Variants in RIPK4 observed in about 807,000 individuals in gnomAD.
RIPK4 encodes receptor interacting serine/threonine kinase 4.
RIPK4 carries 17 observed loss-of-function variants against 42.9 expected under a neutral mutation model. The observed-to-expected ratio is 0.40, with a 90% CI of 0.27 to 0.59. The LOEUF is 0.59. Among genes scored for constraint, RIPK4 ranks in the 20% least tolerant of loss-of-function variants. The pLI is 0.47. For missense variants in RIPK4, 897 were observed against 1,104.4 expected (o/e 0.81, Z 2.66); for synonymous variants, 498 against 499.1 (o/e 1.00, Z 0.03).
At chr21:41,746,096 G>T (rs1332427303) in intron 5 of RIPK4, 1 of 699,346 alleles carries the variant, frequency 1.4e-6, no homozygotes, top group Admixed American at 1.9e-5. Flanking sequence ...GCCTTCCCCG[G>T]GGGAGCGCCA....
Position 41,740,931 on chromosome 21 carries a change from CAG to C in RIPK4, c.2260_2261del (p.Leu754AlafsTer69), listed in dbSNP as rs774508663. ...QGRHAQTVETLLRHGAHINLQ... is the reference protein window; with the variant it reads ...QGRHAQTVETXLRHGAHINLQ... ...GGTTGATGTGGGCCCCATGCCTGAG[CAG>C]AGTCTCCACCGTCTGTGCGTGCCGG... On this transcript the variant is annotated frameshift_variant, in exon 8 of 8. Coordinates refer to ENST00000332512, the MANE Select transcript of RIPK4 (RefSeq NM_020639.3). LOFTEE classifies it high-confidence loss of function. The C allele has an allele frequency of 1.9e-5, 30 of 1,612,538 alleles. No individual in the cohort carries two copies. Among genetic ancestry groups the C allele is most frequent in the East Asian group, 6.7e-5 (3 of 44,884 alleles).
At position 41,766,864 on chromosome 21, in the gene RIPK4, C is replaced by G. The variant is rs1030742264; in HGVS notation, c.178G>C (p.Asp60His). The part of the protein sequence containing the change: ...IKCSPSLHVD[D>H]RERMELLEEA... Reference sequence around the variant, plus strand: ...CGCCCCGCCCGGGCCGCTCACCTGTCGTCGACGTGCAGGCTGGGCGAGCAC... The same window carrying G: ...CGCCCCGCCCGGGCCGCTCACCTGTGGTCGACGTGCAGGCTGGGCGAGCAC... The change falls in exon 1 of 8, where the codon GAC becomes CAC. Residue 60 changes from aspartate (D) to histidine (H), a missense_variant. Asp to His is a moderately conservative substitution (Grantham distance 81). Transcript: ENST00000332512. 5.0e-6 allele frequency: 8 copies of G among 1,608,152 alleles called. No individual in the cohort carries two copies. In the African/African-American group the frequency reaches 9.4e-5, roughly 19 times the overall value.
chr21:41,743,900 G>C lies in RIPK4; in HGVS notation c.1177C>G (p.Arg393Gly). 1 of 1,606,780 alleles carries C rather than the reference G, an allele frequency of 6.2e-7. No homozygotes were observed. The highest frequency in any genetic ancestry group is 8.5e-7 in the Non-Finnish European group (1 of 1,176,230). Residue 393 changes from arginine to glycine, a missense_variant, in exon 7 of 8, where the codon CGG becomes GGG. By Grantham distance (125) the Arg-to-Gly change is moderately radical. Coordinates refer to ENST00000332512, the MANE Select transcript of RIPK4 (RefSeq NM_020639.3). ...SRGSLSLSFE[R>G]EPSTSDLGTT... ...CACTCACCGCTGGTTGAAGGTTCCC[G>C]CTCAAAGGACAGCGACAGTGATCCT...
chr21:41,741,514 C>A lies in RIPK4; in HGVS notation c.1679G>T (p.Gly560Val), dbSNP rs1027422250. ...CTTGCCCTGCAGGCTCACGTCCACG[C>A]CTCGGCGCAGCAGGATGCGCACGAT... ...ENIVRILLRR[G>V]VDVSLQGKDA... is the part of the protein sequence containing the mutation. The change falls in exon 8 of 8, where the codon GGC (glycine) becomes GTC (valine). Residue 560 changes from glycine to valine, a missense_variant. Transcript: ENST00000332512. The A allele has an allele frequency of 3.1e-6, 5 of 1,612,438 alleles. No individual in the cohort carries two copies. The highest frequency in any genetic ancestry group is 4.2e-6 in the Non-Finnish European group (5 of 1,179,998).
At position 41,742,200 on chromosome 21, in the gene RIPK4, GTC is replaced by G. The variant is rs759847755; in HGVS notation, c.1196-205_1196-204del. 6.2e-4 allele frequency among the ~76,000 whole-genome samples: 94 copies of G among 152,156 alleles called. No individual in the cohort carries two copies. The highest frequency in any genetic ancestry group is 8.8e-4 in the Non-Finnish European group (60 of 68,026). On this transcript the variant is annotated intron_variant, in intron 7 of 7. Transcript: ENST00000332512. This position sits in a 1 kb window ranked among gnomAD's most constrained non-coding sequence, Gnocchi z 5.1. ...GGAGCCCCGGGGCAGGCTGGCGAAT[GTC>G]TCCCAGGTGCTCGTTAGTCGGTTTG...
In RIPK4 at chr21:41,741,492, GC is replaced by G. The variant is rs1168270563; in HGVS notation, c.1700del (p.Gly567AlafsTer29). ...LRRGVDVSLQ[G>X]KDAWLPLHYA... is the part of the protein sequence containing the mutation. ...AGTGCAGTGGCAGCCAGGCATCCTT[GC>G]CCTGCAGGCTCACGTCCACGCCTCG... On this transcript the variant is annotated frameshift_variant, in exon 8 of 8. Transcript: ENST00000332512. LOFTEE classifies it low-confidence loss of function (END_TRUNC). 1 of 1,612,614 alleles carries G rather than the reference GC, an allele frequency of 6.2e-7. No homozygotes were observed. The highest frequency in any genetic ancestry group is 1.7e-5 in the Admixed American group (1 of 60,012).
In RIPK4 at chr21:41,751,039, G is replaced by A; in HGVS notation, c.623+58C>T. ...TGAAAGCTGCAGCTCAGGGCATGAA[G>A]CATTGAGGTTGAGAGCCCCTGGCAC... On this transcript the variant is annotated intron_variant, in intron 3 of 7. Coordinates refer to ENST00000332512, the MANE Select transcript of RIPK4 (RefSeq NM_020639.3). The surrounding 1 kb of genome is among the most constrained non-coding windows in gnomAD (Gnocchi z 4.5). 1 of 1,578,648 alleles carries A rather than the reference G, an allele frequency of 6.3e-7. No individual in the cohort carries two copies. The highest frequency in any genetic ancestry group is 2.1e-4 in the Middle Eastern group (1 of 4,656).
chr21:41,766,742 C>T (rs371272081), intron 1 of RIPK4, 118 bp downstream of exon 1: 30 of 1,119,804 alleles, frequency 2.7e-5, no homozygotes, highest in Middle Eastern at 2.9e-4. Context: ...GGTTTCCCCC[C>T]CGAAGCTGCT....
Position 41,741,198 on chromosome 21 carries a change from G to C in RIPK4, c.1995C>G (p.Ala665=). The change falls in exon 8 of 8, where the codon GCC becomes GCG. Residue 665 remains alanine (A), a synonymous_variant. Coordinates refer to ENST00000332512, the MANE Select transcript of RIPK4 (RefSeq NM_020639.3). ...LLLHRGAGKE[A]MTSDGYTALH... Reference sequence around the variant, plus strand: ...GAGCGGTGTAGCCGTCTGAGGTCATGGCCTCCTTGCCAGCGCCCCGATGCA... The same window carrying C: ...GAGCGGTGTAGCCGTCTGAGGTCATCGCCTCCTTGCCAGCGCCCCGATGCA... 2 of 1,609,786 alleles carry C rather than the reference G, an allele frequency of 1.2e-6. No individual in the cohort carries two copies.
intron 5 of RIPK4, chr21:41,746,090 TC>T (rs774700781): frequency 1.4e-6 from 1 of 699,322 alleles, no homozygotes. Context: ...GCGGAAGCCT[TC>T]CCCGGGGGAG....
chr21:41,744,213 C>T, intron 6 of RIPK4, 73 bp from the exon 7 acceptor site: 2 of 1,450,536 alleles, frequency 1.4e-6, no homozygotes, highest in South Asian at 2.8e-5. Context: ...GACACAAACA[C>T]AGAAGAGCAA....
Position 41,766,920 on chromosome 21 carries a change from TG to T in RIPK4, c.121del (p.His41MetfsTer89), listed in dbSNP as rs2146066005. The T allele has an allele frequency of 6.2e-7, 1 of 1,610,754 alleles. No individual in the cohort carries two copies. Among genetic ancestry groups the T allele is most frequent in the Non-Finnish European group, 8.5e-7 (1 of 1,178,874 alleles). On this transcript the variant is annotated frameshift_variant, in exon 1 of 8. Transcript: ENST00000332512. LOFTEE classifies it high-confidence loss of function. Reference protein sequence around the residue: ...GGFGQVYKVRHVHWKTWLAIK... With the variant: ...GGFGQVYKVRXVHWKTWLAIK... Reference sequence around the variant, plus strand: ...GGCCAGCCAGGTCTTCCAGTGGACATGGCGCACCTTGTACACCTGCCCGAAG... The same window carrying T: ...GGCCAGCCAGGTCTTCCAGTGGACATGCGCACCTTGTACACCTGCCCGAAG...
At position 41,746,697 on chromosome 21, in the gene RIPK4, C is replaced by A; in HGVS notation, c.748G>T (p.Ala250Ser). 1 of 1,610,866 alleles carries A rather than the reference C, an allele frequency of 6.2e-7. No homozygotes were observed. Among genetic ancestry groups the A allele is most frequent in the Non-Finnish European group, 8.5e-7 (1 of 1,179,666 alleles). ...HRPELPPVCR[A>S]RPRACSHLIR... is the part of the protein sequence containing the mutation. Reference sequence around the variant, plus strand: ...AGGTGGCTGCAGGCGCGCGGCCGGGCTCTGCACACGGGCGGCAGCTCGGGG... The same window carrying A: ...AGGTGGCTGCAGGCGCGCGGCCGGGATCTGCACACGGGCGGCAGCTCGGGG... The change falls in exon 5 of 8, where the codon GCC becomes TCC. Residue 250 changes from alanine to serine, a missense_variant. Ala to Ser is a moderately conservative substitution (Grantham distance 99, BLOSUM62 1). Coordinates refer to ENST00000332512, the MANE Select transcript of RIPK4 (RefSeq NM_020639.3).
At position 41,739,433 on chromosome 21, in the gene RIPK4, C is replaced by T. The variant is rs551058619; in HGVS notation, c.*1405G>A. On this transcript the variant is annotated 3_prime_UTR_variant, in exon 8 of 8. Transcript: ENST00000332512. ...ATCAAATGGAACTTCTTGTCCCTCA[C>T]GCAGTCCACACAACAGTAAAGGCAC... The T allele has an allele frequency of 4.6e-5, 7 of 152,344 alleles. No homozygotes were observed. The highest frequency in any genetic ancestry group is 6.5e-5 in the Admixed American group (1 of 15,306). The allele number at this position is 152,344 out of a possible 1,614,324, so 9.4% of individuals were successfully genotyped here. A position where few individuals can be genotyped will look rare whatever the true frequency, so the allele number is the denominator to read the frequency against.
chr21:41,760,459 G>A (rs529581872), intron 1 of RIPK4, among the ~76,000 whole-genome samples: 2 of 152,368 alleles, frequency 1.3e-5, no homozygotes, highest in South Asian at 4.1e-4. Context: ...GAGATCCAAA[G>A]TCAGAAGTCA....
In RIPK4 at chr21:41,741,413, C is replaced by T; in HGVS notation, c.1780G>A (p.Gly594Arg). ...AGCGTCTGGGCGTTCACACTCACCC[C>T]CGGCTGCTTGGCCAGCAGCTTGACG... ...PIVKLLAKQP[G>R]VSVNAQTLDG... Residue 594 changes from glycine (G) to arginine (R), a missense_variant, in exon 8 of 8, where the codon GGG becomes AGG. Physicochemically the swap from Gly to Arg is moderately radical, Grantham distance 125 (BLOSUM62 -2). Transcript: ENST00000332512. 6.2e-7 allele frequency: 1 copy of T among 1,612,848 alleles called. No individual in the cohort carries two copies. Among genetic ancestry groups the T allele is most frequent in the Non-Finnish European group, 8.5e-7 (1 of 1,179,932 alleles).
intron 3 of RIPK4, 130 bp from the exon 4 acceptor site, chr21:41,749,333 A>C: frequency 1.2e-6 from 1 of 837,846 alleles, no homozygotes; most frequent in Non-Finnish European, 1.9e-6. Context: ...ACACCGAGAT[A>C]TTTCTCCTGT....
At chr21:41,749,905 A>AG (rs1368483798) in intron 3 of RIPK4, among the ~76,000 whole-genome samples, 2 of 151,518 alleles carry the variant, frequency 1.3e-5, no homozygotes, top group Admixed American at 6.6e-5. Context: ...AAAAAAAAAA[A>AG]AAAAGAAAAG....
chr21:41,741,795 C>T lies in RIPK4; in HGVS notation c.1398G>A (p.Leu466=), dbSNP rs759953835. 56 of 1,611,344 alleles carry T rather than the reference C, an allele frequency of 3.5e-5. No individual in the cohort carries two copies. Among genetic ancestry groups the T allele is most frequent in the Non-Finnish European group, 4.6e-5 (54 of 1,180,012 alleles). ...WLLLNNANPN[L]SNRRGSTPLH... is the part of the protein sequence containing the mutation. The stretch of plus-strand genomic sequence containing the variant: ...ACGGGGTGGAGCCCCTACGGTTGCT[C>T]AGGTTGGGGTTGGCATTGTTGAGCA... The change falls in exon 8 of 8, where the codon CTG becomes CTA. Residue 466 remains leucine (L), a synonymous_variant. Coordinates refer to ENST00000332512, the MANE Select transcript of RIPK4 (RefSeq NM_020639.3).
Sources: gnomAD v4.1 joint callset for allele counts (sites outside exome capture counted in the v4.1 genomes callset) on GRCh38, gnomAD v4.1.1 for gene constraint, Gnocchi (gnomAD v3.1) non-coding constraint, MANE v1.5 for transcripts, NCBI Gene and HGNC (gene_info 2026-07-23, HGNC 2026-07-21) for gene names.